The following PTPRD variants were observed in gnomAD, a reference collection of about 807,000 sequenced individuals.
The protein encoded by PTPRD is protein tyrosine phosphatase receptor type D.
A neutral mutation model predicts 214.5 loss-of-function variants in PTPRD; 34 were observed. The ratio of observed to expected loss-of-function variants is 0.16; its 90% CI spans 0.12 to 0.21. The LOEUF (loss-of-function observed/expected upper bound fraction) is 0.21, where lower values mean the gene tolerates loss of function less well. Ranked by LOEUF, PTPRD falls within the 10% of genes least tolerant of loss-of-function variation. The pLI is 1.00. For synonymous variants in PTPRD, 1,128 were observed against 845.7 expected, an observed-to-expected ratio of 1.33 and a Z score of -5.79; for missense variants, 2,545 against 2,398.7, an observed-to-expected ratio of 1.06 and a Z score of -1.27.
intron 8 of PTPRD, among the ~76,000 whole-genome samples, chr9:9,475,510 G>A (rs2094959195): frequency 6.6e-6 from 1 of 152,100 alleles, no homozygotes; most frequent in South Asian, 2.1e-4. Context: ...CCATGATTGT[G>A]CTAGTTTCTT....
chr9:9,318,117 GC>G (rs1964317064), intron 9 of PTPRD, among the ~76,000 whole-genome samples: 1 of 151,786 alleles, frequency 6.6e-6, no homozygotes, highest in African/African-American at 2.4e-5. Flanking sequence ...GTTGCAGTAA[GC>G]CGAGATCGTG....
intron 6 of PTPRD, among the ~76,000 whole-genome samples, chr9:9,744,819 C>T (rs758216913): frequency 2.6e-5 from 4 of 151,998 alleles, no homozygotes; most frequent in Admixed American, 6.6e-5. Context: ...TCTAATTCAT[C>T]ACACAGCTTT....
intron 11 of PTPRD, among the ~76,000 whole-genome samples, chr9:8,905,059 T>C (rs1053434705): frequency 8.5e-5 from 13 of 152,320 alleles, no homozygotes; most frequent in African/African-American, 3.1e-4. Context: ...ATTAGAATTA[T>C]GAGTATACAA....
chr9:9,461,014 C>T (rs986241448), intron 8 of PTPRD, among the ~76,000 whole-genome samples: 1 of 151,944 alleles, frequency 6.6e-6, no homozygotes, highest in Non-Finnish European at 1.5e-5. Context: ...AAAATTATGT[C>T]CTTGGTAGCA....
At chr9:8,745,078 T>G (rs1428852187) in intron 11 of PTPRD, among the ~76,000 whole-genome samples, 1 of 152,196 alleles carries the variant, frequency 6.6e-6, no homozygotes, top group Non-Finnish European at 1.5e-5. Flanking sequence ...TTACTGTTAG[T>G]GCCCTCTTCA....
intron 9 of PTPRD, among the ~76,000 whole-genome samples, chr9:9,244,072 T>C (rs1221821862): frequency 6.6e-6 from 1 of 152,034 alleles, no homozygotes; most frequent in Non-Finnish European, 1.5e-5. Context: ...AGGAATCCAA[T>C]TTGCAAGGGA....
chr9:9,020,040 A>G lies in PTPRD; in HGVS notation c.-142-1305T>C, dbSNP rs1300934803. On this transcript the variant is annotated intron_variant, in intron 10 of 45. Transcript: ENST00000381196. ...AGCTGATCAGTGGTGCTCTGCAGACATGGGAGGAGAAGAGAAGAGGGAGGT... is the reference window on the plus strand; with the variant it reads ...AGCTGATCAGTGGTGCTCTGCAGACGTGGGAGGAGAAGAGAAGAGGGAGGT... Among the ~76,000 whole-genome samples, 5 of 152,260 alleles carry G rather than the reference A, an allele frequency of 3.3e-5. No homozygotes were observed. The East Asian group carries it at 9.7e-4, about 30-fold the overall frequency.
At chr9:9,797,968 A>G (rs1466288331) in intron 5 of PTPRD, among the ~76,000 whole-genome samples, 4 of 152,240 alleles carry the variant, frequency 2.6e-5, no homozygotes, top group Admixed American at 6.5e-5. Context: ...TTAATGTCTG[A>G]ATACACGAAT....
intron 5 of PTPRD, among the ~76,000 whole-genome samples, chr9:9,798,767 G>A (rs1170646762): frequency 6.6e-6 from 1 of 152,164 alleles, no homozygotes; most frequent in African/African-American, 2.4e-5. Context: ...TAAAATGACT[G>A]ATTTATGAAG....
At chr9:9,078,653 T>TA (rs1554739337) in intron 10 of PTPRD, among the ~76,000 whole-genome samples, 6 of 151,998 alleles carry the variant, frequency 3.9e-5, no homozygotes, top group Non-Finnish European at 2.9e-5. Flanking sequence ...AGGTTTTTTT[T>TA]ACTGGGGAGT....
chr9:10,188,226 T>A (rs1254114391), intron 3 of PTPRD, among the ~76,000 whole-genome samples: 1 of 152,174 alleles, frequency 6.6e-6, no homozygotes, highest in Non-Finnish European at 1.5e-5. Context: ...ATTCAGTAAG[T>A]CAAATATCCT....
intron 3 of PTPRD, among the ~76,000 whole-genome samples, chr9:10,086,018 T>A (rs567476937): frequency 3.3e-5 from 5 of 151,814 alleles, no homozygotes; most frequent in Admixed American, 6.6e-5. Flanking sequence ...AATGACTATA[T>A]GACCAATTCA....
At chr9:9,596,387 A>G (rs1480130907) in intron 7 of PTPRD, among the ~76,000 whole-genome samples, 1 of 151,994 alleles carries the variant, frequency 6.6e-6, no homozygotes, top group East Asian at 1.9e-4. Flanking sequence ...GGTACCCTTT[A>G]CATTTCCTTA....
chr9:10,157,333 C>T (rs1376262336), intron 3 of PTPRD, among the ~76,000 whole-genome samples: 1 of 152,178 alleles, frequency 6.6e-6, no homozygotes, highest in East Asian at 1.9e-4. Context: ...CTGGTTTTTA[C>T]AAATTCCTTC....
chr9:10,031,795 A>G (rs1482384809), intron 4 of PTPRD, among the ~76,000 whole-genome samples: 1 of 151,504 alleles, frequency 6.6e-6, no homozygotes, highest in East Asian at 1.9e-4. Flanking sequence ...CAAAGGAATG[A>G]TGTAGACACA....
intron 14 of PTPRD, among the ~76,000 whole-genome samples, chr9:8,552,347 G>A (rs935041224): frequency 1.3e-5 from 2 of 152,206 alleles, no homozygotes; most frequent in African/African-American, 2.4e-5. Context: ...TTCTCTTCTT[G>A]CTGTGTCAGA....
intron 8 of PTPRD, among the ~76,000 whole-genome samples, chr9:9,452,876 C>G (rs1311965423): frequency 6.6e-6 from 1 of 151,498 alleles, no homozygotes; most frequent in Non-Finnish European, 1.5e-5. Context: ...TTTGCTCAAG[C>G]TCTTGAGATA....
In PTPRD at chr9:10,131,001, T is replaced by A. The variant is rs115812391; in HGVS notation, c.-544-97211A>T. ...ATCCCTAAAGCTCTATAAGCTACCATCAAATGCAAGATAAAAGAAGTATAA... is the reference window on the plus strand; with the variant it reads ...ATCCCTAAAGCTCTATAAGCTACCAACAAATGCAAGATAAAAGAAGTATAA... On this transcript the variant is annotated intron_variant, in intron 3 of 45. Coordinates refer to ENST00000381196, the MANE Select transcript of PTPRD (RefSeq NM_002839.4). 9.1e-3 allele frequency among the ~76,000 whole-genome samples: 1,377 copies of A among 152,138 alleles called. 32 individuals carry two copies. Among genetic ancestry groups the A allele is most frequent in the African/African-American group, 0.032 (1,308 of 41,514 alleles).
At chr9:10,028,399 G>A (rs2096973043) in intron 4 of PTPRD, among the ~76,000 whole-genome samples, 2 of 152,194 alleles carry the variant, frequency 1.3e-5, no homozygotes. Context: ...ATGTGGAACT[G>A]ACTTCAGAAC....
Sources: gnomAD v4.1 joint callset for allele counts (sites outside exome capture counted in the v4.1 genomes callset) on GRCh38, gnomAD v4.1.1 for gene constraint, MANE v1.5 for transcripts, NCBI Gene and HGNC (gene_info 2026-07-23, HGNC 2026-07-21) for gene names.